The following LRRIQ3 variants were observed in gnomAD, a reference collection of about 807,000 sequenced individuals.
The protein encoded by LRRIQ3 is leucine-rich repeat and IQ domain-containing protein 3.
A neutral mutation model predicts 59.3 loss-of-function variants in LRRIQ3; 75 were observed. That is an observed-to-expected ratio of 1.26 (90% CI 1.05 to 1.53). LRRIQ3 has a LOEUF of 1.53. Among genes scored for constraint, LRRIQ3 ranks in the 40% most tolerant of loss-of-function variants. The pLI, the probability that LRRIQ3 is intolerant of heterozygous loss-of-function variation, is 0.00. For missense variants in LRRIQ3, 831 were observed against 710.0 expected, an observed-to-expected ratio of 1.17 and a Z score of -1.94; for synonymous variants, 250 against 231.3, an observed-to-expected ratio of 1.08 and a Z score of -0.73.
In LRRIQ3 at chr1:74,183,632, T is replaced by C. The variant is rs750516389; in HGVS notation, c.53A>G (p.His18Arg). ...EELTSHEEWSHYNENIREGQK... is the reference protein window; with the variant it reads ...EELTSHEEWSRYNENIREGQK... ...ACCTTCTCTTATGTTTTCATTATAGTGACTCCATTCTTCATGACTGGTTAG... is the reference window on the plus strand; with the variant it reads ...ACCTTCTCTTATGTTTTCATTATAGCGACTCCATTCTTCATGACTGGTTAG... The change falls in exon 2 of 8, where the codon CAC (histidine) becomes CGC (arginine). Residue 18 changes from histidine to arginine, a missense_variant. Physicochemically the swap from His to Arg is conservative, Grantham distance 29 (BLOSUM62 0). Coordinates refer to ENST00000354431, the MANE Select transcript of LRRIQ3 (RefSeq NM_001105659.2). The C allele has an allele frequency of 3.7e-6, 6 of 1,611,412 alleles. No homozygotes were observed. The highest frequency in any genetic ancestry group is 5.1e-6 in the Non-Finnish European group (6 of 1,178,366).
At chr1:74,070,159 A>G (rs984351759) in intron 6 of LRRIQ3, among the ~76,000 whole-genome samples, 6 of 152,084 alleles carry the variant, frequency 3.9e-5, no homozygotes, top group African/African-American at 7.2e-5. Flanking sequence ...AAATTGTTCT[A>G]TCATAAAGAC....
intron 5 of LRRIQ3, among the ~76,000 whole-genome samples, chr1:74,095,629 C>CT (rs1557612146): frequency 6.6e-6 from 1 of 151,960 alleles, no homozygotes; most frequent in African/African-American, 2.4e-5. Context: ...AGTAAGAATG[C>CT]TTTTTTATGT....
chr1:74,132,427 A>G (rs1435785844), intron 4 of LRRIQ3, among the ~76,000 whole-genome samples: 1 of 152,176 alleles, frequency 6.6e-6, no homozygotes, highest in Non-Finnish European at 1.5e-5. Flanking sequence ...AGCCAAAAGA[A>G]CAAAGCTGGA....
intron 3 of LRRIQ3, among the ~76,000 whole-genome samples, chr1:74,165,438 G>C (rs187387751): frequency 6.6e-6 from 1 of 151,450 alleles, no homozygotes; most frequent in East Asian, 1.9e-4. Flanking sequence ...TGTTTATCTG[G>C]CATACTGAGA....
intron 5 of LRRIQ3, among the ~76,000 whole-genome samples, chr1:74,107,887 A>C (rs61776757): frequency 6.6e-5 from 10 of 151,696 alleles, no homozygotes; most frequent in Non-Finnish European, 1.3e-4. Context: ...AACATTAATA[A>C]TTACACATTT....
At chr1:74,086,571 T>G (rs1646329592) in intron 5 of LRRIQ3, among the ~76,000 whole-genome samples, 1 of 152,154 alleles carries the variant, frequency 6.6e-6, no homozygotes, top group Non-Finnish European at 1.5e-5. Context: ...CTATTGTGTT[T>G]TAATTAATAT....
chr1:74,071,139 T>C (rs185143013), intron 6 of LRRIQ3, among the ~76,000 whole-genome samples: 17 of 151,950 alleles, frequency 1.1e-4, no homozygotes, highest in Non-Finnish European at 2.4e-4. Flanking sequence ...TATATAACTA[T>C]CTATTGTCTA....
chr1:74,104,071 T>C (rs1646573774), intron 5 of LRRIQ3, among the ~76,000 whole-genome samples: 1 of 151,918 alleles, frequency 6.6e-6, no homozygotes, highest in South Asian at 2.1e-4. Context: ...GAAAATTACA[T>C]CTCACCAAAG....
chr1:74,197,118 T>G (rs1388289171), intron 1 of LRRIQ3, among the ~76,000 whole-genome samples: 1 of 152,218 alleles, frequency 6.6e-6, no homozygotes, highest in African/African-American at 2.4e-5. Context: ...AATGTAAAAC[T>G]ATGAAAGAGT....
intron 5 of LRRIQ3, among the ~76,000 whole-genome samples, chr1:74,084,849 T>C (rs542385218): frequency 2.1e-4 from 32 of 151,934 alleles, no homozygotes; most frequent in African/African-American, 7.7e-4. Flanking sequence ...ATTTTTGGTC[T>C]GTTAATATCA....
intron 6 of LRRIQ3, among the ~76,000 whole-genome samples, chr1:74,063,371 C>T (rs1249671416): frequency 1.3e-5 from 2 of 152,010 alleles, no homozygotes; most frequent in Non-Finnish European, 2.9e-5. Flanking sequence ...AATGTGTATT[C>T]TGCTATTGAT....
intron 4 of LRRIQ3, among the ~76,000 whole-genome samples, chr1:74,141,746 A>G (rs1051492282): frequency 6.6e-6 from 1 of 152,006 alleles, no homozygotes; most frequent in African/African-American, 2.4e-5. Context: ...AAACTAAGAA[A>G]AAAACACAAA....
chr1:74,165,072 G>A (rs1004828686), intron 3 of LRRIQ3, among the ~76,000 whole-genome samples: 6 of 151,362 alleles, frequency 4.0e-5, no homozygotes, highest in African/African-American at 7.3e-5. Flanking sequence ...ATAGCTACAC[G>A]TGTCTAAAAA....
chr1:74,121,103 T>C (rs978630735), intron 4 of LRRIQ3, among the ~76,000 whole-genome samples: 2 of 152,292 alleles, frequency 1.3e-5, no homozygotes, highest in East Asian at 3.9e-4. Flanking sequence ...AACAATATTA[T>C]AGTCTTGTTC....
At chr1:74,128,904 G>A (rs1166328121) in intron 4 of LRRIQ3, among the ~76,000 whole-genome samples, 2 of 152,030 alleles carry the variant, frequency 1.3e-5, no homozygotes, top group Non-Finnish European at 2.9e-5. Flanking sequence ...AGTTCTGGAA[G>A]AATTATCTGG....
intron 4 of LRRIQ3, among the ~76,000 whole-genome samples, chr1:74,124,882 C>T (rs550978563): frequency 6.6e-6 from 1 of 151,798 alleles, no homozygotes; most frequent in Non-Finnish European, 1.5e-5. Flanking sequence ...ATTGTTTTCT[C>T]TATTTCTGTG....
intron 6 of LRRIQ3, among the ~76,000 whole-genome samples, chr1:74,055,178 CTTTATA>C (rs1557595371): frequency 2.9e-5 from 1 of 33,976 alleles, no homozygotes; most frequent in South Asian, 1.4e-3. Context: ...TACATATACA[CTTTATA>C]TATATATATA....
intron 4 of LRRIQ3, among the ~76,000 whole-genome samples, chr1:74,133,626 A>C (rs935030947): frequency 6.8e-6 from 1 of 147,226 alleles, no homozygotes; most frequent in African/African-American, 2.5e-5. Flanking sequence ...AAAACCAAAC[A>C]CCGCATGTTC....
At chr1:74,137,648 G>A (rs1647146552) in intron 4 of LRRIQ3, among the ~76,000 whole-genome samples, 1 of 152,048 alleles carries the variant, frequency 6.6e-6, no homozygotes, top group East Asian at 1.9e-4. Context: ...GCACAGGTAT[G>A]TTTATTGCAG....
Sources: gnomAD v4.1 joint callset for allele counts (sites outside exome capture counted in the v4.1 genomes callset) on GRCh38, gnomAD v4.1.1 for gene constraint, MANE v1.5 for transcripts, NCBI Gene and HGNC (gene_info 2026-07-23, HGNC 2026-07-21) for gene names.